The following FBXW7 variants were observed in gnomAD, a reference collection of about 807,000 sequenced individuals.
FBXW7 encodes F-box and WD repeat domain containing 7.
FBXW7 carries 11 observed loss-of-function variants against 86.3 expected under a neutral mutation model. The ratio of observed to expected loss-of-function variants is 0.13; its 90% CI spans 0.08 to 0.21. The LOEUF (loss-of-function observed/expected upper bound fraction) is 0.21, where lower values mean the gene tolerates loss of function less well. FBXW7 is among the 10% of genes least tolerant of loss of function. The pLI is 1.00. For missense variants in FBXW7, 488 were observed against 847.4 expected (o/e 0.58, Z 5.27); for synonymous variants, 313 against 297.9 (o/e 1.05, Z -0.52).
At position 152,324,369 on chromosome 4, in the gene FBXW7, C is replaced by G. The variant is rs2126480180; in HGVS notation, c.1670G>C (p.Gly557Ala). ...AACACGGATTGATGTATCAAGAGAT[C>G]CACTCACCACATGGATACCATCAAA... is the stretch of plus-strand genomic sequence containing the variant. Reference protein sequence around the residue: ...LQFDGIHVVSGSLDTSIRVWD... With the variant: ...LQFDGIHVVSASLDTSIRVWD... Residue 557 changes from glycine to alanine, a missense_variant, in exon 13 of 14, where the codon GGA (glycine) becomes GCA (alanine). Around this residue, in one of 4 missense-constraint regions of FBXW7, gnomAD observed 142 missense variants for 406.6 expected, o/e 0.35. Transcript: ENST00000281708. The G allele has an allele frequency of 6.2e-7, 1 of 1,603,776 alleles. No homozygotes were observed.
At position 152,520,154 on chromosome 4, in the gene FBXW7, C is replaced by T. The variant is rs537663718; in HGVS notation, c.-120+14787G>A. ...GGGGTAAAAAATCAATCATTACCGG[C>T]CGGGCGCGGTGGCTCACGCCTGTAA... On this transcript the variant is annotated intron_variant, in intron 2 of 13. Coordinates refer to ENST00000281708, the MANE Select transcript of FBXW7 (RefSeq NM_001349798.2). Among the ~76,000 whole-genome samples, 17 of 152,310 alleles carry T rather than the reference C, an allele frequency of 1.1e-4. No homozygotes were observed. In the East Asian group the frequency reaches 3.1e-3, roughly 28 times the overall value.
intron 6 of FBXW7, among the ~76,000 whole-genome samples, chr4:152,342,894 T>C (rs926758465): frequency 3.3e-5 from 5 of 152,250 alleles, no homozygotes; most frequent in African/African-American, 1.2e-4. Flanking sequence ...AATACATGAC[T>C]TTCTTCAAGT....
intron 2 of FBXW7, among the ~76,000 whole-genome samples, chr4:152,471,687 C>G (rs1310802580): frequency 2.6e-5 from 4 of 152,108 alleles, no homozygotes; most frequent in Admixed American, 2.0e-4. Flanking sequence ...CTGCTTGAGG[C>G]CAGGAGTCCG....
intron 2 of FBXW7, among the ~76,000 whole-genome samples, chr4:152,516,073 A>T (rs1208215210): frequency 1.3e-5 from 2 of 152,238 alleles, no homozygotes; most frequent in African/African-American, 4.8e-5. Context: ...AGAGCCTCAG[A>T]AGAGATAGGA....
At chr4:152,498,934 C>T (rs561861676) in intron 2 of FBXW7, among the ~76,000 whole-genome samples, 28 of 152,202 alleles carry the variant, frequency 1.8e-4, no homozygotes, top group African/African-American at 5.3e-4. Context: ...AATATTTTGA[C>T]GATAAATAAA....
intron 6 of FBXW7, 69 bp downstream of exon 6, chr4:152,346,861 C>T (rs892847747): frequency 6.3e-6 from 10 of 1,576,840 alleles, no homozygotes; most frequent in East Asian, 2.2e-5. Flanking sequence ...TCTTTTTTTA[C>T]GGATGAATAA....
intron 2 of FBXW7, among the ~76,000 whole-genome samples, chr4:152,437,580 T>C (rs1740494870): frequency 6.6e-6 from 1 of 152,222 alleles, no homozygotes; most frequent in African/African-American, 2.4e-5. Flanking sequence ...GAATACTGCA[T>C]ACACTTAATT....
intron 2 of FBXW7, among the ~76,000 whole-genome samples, chr4:152,507,531 T>C (rs934304577): frequency 6.6e-6 from 1 of 152,182 alleles, no homozygotes; most frequent in African/African-American, 2.4e-5. Context: ...TTACCGTGTA[T>C]AAACTAATTT....
In FBXW7 at chr4:152,426,047, T is replaced by C. The variant is rs1345517097; in HGVS notation, c.-119-13518A>G. Among the ~76,000 whole-genome samples the C allele has an allele frequency of 2.0e-5, 3 of 152,156 alleles. No homozygotes were observed. In the East Asian group the frequency reaches 5.8e-4, roughly 29 times the overall value. On this transcript the variant is annotated intron_variant, in intron 2 of 13. Coordinates refer to ENST00000281708, the MANE Select transcript of FBXW7 (RefSeq NM_001349798.2). ...CCTCATACAGGGCTCTGTGTCGCTC[T>C]GAAATCCTCAAGCAGTGACCTTAAT...
intron 2 of FBXW7, among the ~76,000 whole-genome samples, chr4:152,507,961 C>T (rs533030201): frequency 8.6e-5 from 13 of 151,668 alleles, no homozygotes; most frequent in African/African-American, 2.2e-4. Flanking sequence ...CTAGCTACTC[C>T]GGAGGCTAAG....
chr4:152,492,623 G>GC (rs1389344963), intron 2 of FBXW7, among the ~76,000 whole-genome samples: 1 of 152,066 alleles, frequency 6.6e-6, no homozygotes, highest in Non-Finnish European at 1.5e-5. Flanking sequence ...AATAACTAAT[G>GC]TTTTTATCTT....
intron 4 of FBXW7, among the ~76,000 whole-genome samples, chr4:152,376,370 T>C (rs1734519778): frequency 6.6e-6 from 1 of 152,118 alleles, no homozygotes; most frequent in Non-Finnish European, 1.5e-5. Flanking sequence ...ATGAAAATTT[T>C]ATTGTAGAAT....
intron 4 of FBXW7, among the ~76,000 whole-genome samples, chr4:152,351,552 A>G (rs1216045023): frequency 6.6e-6 from 1 of 152,154 alleles, no homozygotes; most frequent in Non-Finnish European, 1.5e-5. Flanking sequence ...TAAAAGCTGA[A>G]GTATATAGGT....
intron 2 of FBXW7, among the ~76,000 whole-genome samples, chr4:152,459,760 C>T (rs75551143): frequency 0.011 from 1,740 of 152,154 alleles, 24 homozygotes; most frequent in East Asian, 0.043. Context: ...AGATTAACAA[C>T]AACAATAATA....
intron 2 of FBXW7, among the ~76,000 whole-genome samples, chr4:152,467,909 T>C (rs532833247): frequency 1.3e-5 from 2 of 152,192 alleles, no homozygotes; most frequent in South Asian, 2.1e-4. Flanking sequence ...AAATCATGTA[T>C]GTGATAAGGG....
chr4:152,334,720 A>T (rs1431458962), intron 7 of FBXW7, among the ~76,000 whole-genome samples: 1 of 152,202 alleles, frequency 6.6e-6, no homozygotes, highest in African/African-American at 2.4e-5. Flanking sequence ...CAGTGCATTA[A>T]AGAGAAATAT....
intron 4 of FBXW7, among the ~76,000 whole-genome samples, chr4:152,367,046 T>A (rs1019437254): frequency 7.2e-5 from 11 of 152,278 alleles, no homozygotes; most frequent in Non-Finnish European, 1.3e-4. Flanking sequence ...AAACACCGCA[T>A]GTTCTCACTC....
Position 152,535,960 on chromosome 4 carries a change from G to A in FBXW7, c.-1046C>T, listed in dbSNP as rs553978246. The A allele has an allele frequency of 1.0e-3, 302 of 287,916 alleles. 8 individuals are homozygous for A. The South Asian group carries it at 0.024, about 23-fold the overall frequency. 17.8% of individuals were successfully genotyped at this position (287,916 alleles called of 1,614,324 possible). A position where few individuals can be genotyped will look rare whatever the true frequency, so the allele number is the denominator to read the frequency against. ...GGTCTCGGCGGCGGCCAGTGCAGGG[G>A]GACTGGATCTCTCGGATGCTCCTTC... On this transcript the variant is annotated 5_prime_UTR_variant, in exon 1 of 14. Coordinates refer to ENST00000281708, the MANE Select transcript of FBXW7 (RefSeq NM_001349798.2).
intron 6 of FBXW7, among the ~76,000 whole-genome samples, chr4:152,339,791 A>T (rs1214642568): frequency 6.6e-6 from 1 of 152,058 alleles, no homozygotes; most frequent in Non-Finnish European, 1.5e-5. Flanking sequence ...AAAAATTAGA[A>T]ATCAGCCAGG....
Sources: gnomAD v4.1 joint callset for allele counts (sites outside exome capture counted in the v4.1 genomes callset) on GRCh38, gnomAD v4.1.1 for gene constraint, gnomAD v4.1.1 regional missense constraint, MANE v1.5 for transcripts, NCBI Gene and HGNC (gene_info 2026-07-23, HGNC 2026-07-21) for gene names.